Variants in ZNF385B observed in about 807,000 individuals in gnomAD.
ZNF385B encodes zinc finger protein 385B, also known as zinc finger protein 533.
Under a neutral mutation model 39.2 loss-of-function variants are expected in ZNF385B, and 23 were observed. The ratio of observed to expected loss-of-function variants is 0.59; its 90% confidence interval spans 0.42 to 0.83. The LOEUF (loss-of-function observed/expected upper bound fraction) is 0.83. ZNF385B is among the 40% of genes least tolerant of loss of function. The probability of loss-of-function intolerance (pLI) is 0.00; values close to 1 mark genes in which losing one functional copy is unlikely to be tolerated. For missense variants in ZNF385B, 552 were observed against 598.9 expected (o/e 0.92, Z 0.82); for synonymous variants, 205 against 222.6 (o/e 0.92, Z 0.70).
At chr2:179,614,898 T>G (rs872158) in intron 3 of ZNF385B, among the ~76,000 whole-genome samples, 50,363 of 152,046 alleles carry the variant, frequency 0.33, 8,699 homozygotes, top group Middle Eastern at 0.46. Context: ...GCATCATGTA[T>G]AATTCATAAA....
At chr2:179,851,202 A>G (rs4894130) in intron 1 of ZNF385B, among the ~76,000 whole-genome samples, 35,572 of 152,156 alleles carry the variant, frequency 0.23, 4,700 homozygotes, top group Non-Finnish European at 0.29. Flanking sequence ...TGTAACCCCA[A>G]TGCTGTGGGA....
intron 1 of ZNF385B, among the ~76,000 whole-genome samples, chr2:179,825,107 ATCTT>A (rs1444056627): frequency 1.3e-5 from 2 of 152,154 alleles, no homozygotes; most frequent in Non-Finnish European, 2.9e-5. Flanking sequence ...ACTCATTATT[ATCTT>A]TCTGTTAATA....
chr2:179,763,601 G>A (rs1313061689), intron 3 of ZNF385B, among the ~76,000 whole-genome samples: 2 of 152,094 alleles, frequency 1.3e-5, no homozygotes, highest in South Asian at 2.1e-4. Context: ...ACTTATTTGA[G>A]AACTTTGTTT....
intron 3 of ZNF385B, among the ~76,000 whole-genome samples, chr2:179,628,051 C>A (rs139462208): frequency 1.5e-3 from 223 of 152,122 alleles, no homozygotes; most frequent in African/African-American, 5.1e-3. Context: ...TCCTTCTCCC[C>A]AGCTGGATTA....
At chr2:179,639,525 A>G (rs1692076776) in intron 3 of ZNF385B, among the ~76,000 whole-genome samples, 1 of 152,156 alleles carries the variant, frequency 6.6e-6, no homozygotes, top group African/African-American at 2.4e-5. Context: ...GTTACTTGCC[A>G]ATTATACCTT....
Position 179,752,768 on chromosome 2 carries a change from G to T in ZNF385B, c.298+16735C>A, listed in dbSNP as rs575801718. ...TCTGTTCATATACTTCACCCACTTT[G>T]TGATGGGGTTGTTTGTTTTTTTCTT... On this transcript the variant is annotated intron_variant, in intron 3 of 9. Coordinates refer to ENST00000410066, the MANE Select transcript of ZNF385B (RefSeq NM_152520.6). 5.3e-5 allele frequency among the ~76,000 whole-genome samples: 8 copies of T among 152,028 alleles called. No homozygotes were observed. The South Asian group carries it at 1.0e-3, about 20-fold the overall frequency.
At chr2:179,498,953 C>T (rs1333012113) in intron 5 of ZNF385B, among the ~76,000 whole-genome samples, 1 of 151,516 alleles carries the variant, frequency 6.6e-6, no homozygotes, top group Non-Finnish European at 1.5e-5. Flanking sequence ...GACAGAAGAT[C>T]CAAATAAGTA....
intron 3 of ZNF385B, among the ~76,000 whole-genome samples, chr2:179,636,108 A>G (rs968046390): frequency 3.3e-5 from 5 of 152,238 alleles, no homozygotes; most frequent in Non-Finnish European, 1.5e-5. Context: ...TTAGAGATCA[A>G]TTAGAACAAA....
At chr2:179,638,782 A>G (rs1373159680) in intron 3 of ZNF385B, among the ~76,000 whole-genome samples, 1 of 152,140 alleles carries the variant, frequency 6.6e-6, no homozygotes, top group Non-Finnish European at 1.5e-5. Context: ...AAGTATCTGA[A>G]TGTACCATGG....
intron 3 of ZNF385B, among the ~76,000 whole-genome samples, chr2:179,631,250 G>A (rs889531818): frequency 6.6e-6 from 1 of 152,252 alleles, no homozygotes. Context: ...GAAGGAAGAA[G>A]TGTTAAGGGC....
chr2:179,565,164 C>A (rs1684412211), intron 3 of ZNF385B, among the ~76,000 whole-genome samples: 1 of 152,170 alleles, frequency 6.6e-6, no homozygotes, highest in Admixed American at 6.5e-5. Flanking sequence ...CATTATCCTA[C>A]TCAAACATCT....
At chr2:179,784,383 G>A (rs1006200631) in intron 1 of ZNF385B, among the ~76,000 whole-genome samples, 1 of 151,942 alleles carries the variant, frequency 6.6e-6, no homozygotes. Context: ...TTTAATACAT[G>A]AGTGGTGAAA....
chr2:179,737,827 T>C (rs1701859490), intron 3 of ZNF385B, among the ~76,000 whole-genome samples: 1 of 152,234 alleles, frequency 6.6e-6, no homozygotes, highest in South Asian at 2.1e-4. Context: ...AGTGAAGTAA[T>C]TTGTCCATGA....
chr2:179,565,283 G>T (rs1684427669), intron 3 of ZNF385B, among the ~76,000 whole-genome samples: 1 of 152,050 alleles, frequency 6.6e-6, no homozygotes, highest in African/African-American at 2.4e-5. Flanking sequence ...AATTGACTTA[G>T]CCCCAATTTT....
chr2:179,776,452 G>A (rs1251433645), intron 1 of ZNF385B, among the ~76,000 whole-genome samples: 1 of 152,092 alleles, frequency 6.6e-6, no homozygotes, highest in African/African-American at 2.4e-5. Flanking sequence ...CCTAAGGAGG[G>A]TTTTAGTCCA....
chr2:179,683,982 AT>A (rs1251986273), intron 3 of ZNF385B, among the ~76,000 whole-genome samples: 5 of 151,770 alleles, frequency 3.3e-5, no homozygotes, highest in African/African-American at 9.7e-5. Context: ...TCTCATATTA[AT>A]TTTTTTTACT....
intron 3 of ZNF385B, among the ~76,000 whole-genome samples, chr2:179,570,570 C>CAA (rs1685097171): frequency 6.6e-6 from 1 of 152,198 alleles, no homozygotes; most frequent in Non-Finnish European, 1.5e-5. Flanking sequence ...CAATGCTTAA[C>CAA]ACAGTGTCTG....
chr2:179,700,240 C>T (rs1161331112), intron 3 of ZNF385B, among the ~76,000 whole-genome samples: 1 of 152,194 alleles, frequency 6.6e-6, no homozygotes, highest in Non-Finnish European at 1.5e-5. Flanking sequence ...CAGCCCATGA[C>T]TTCAAAATGT....
At chr2:179,581,080 G>T (rs1362336955) in intron 3 of ZNF385B, among the ~76,000 whole-genome samples, 2 of 152,142 alleles carry the variant, frequency 1.3e-5, no homozygotes, top group Non-Finnish European at 2.9e-5. Flanking sequence ...AAGAAAAATG[G>T]AAATAGATCC....
Sources: gnomAD v4.1 joint callset for allele counts (sites outside exome capture counted in the v4.1 genomes callset) on GRCh38, gnomAD v4.1.1 for gene constraint, MANE v1.5 for transcripts, NCBI Gene and HGNC (gene_info 2026-07-23, HGNC 2026-07-21) for gene names.